Variants in ACOX3 observed in about 807,000 individuals in gnomAD.
ACOX3 encodes the protein peroxisomal acyl-coenzyme A oxidase 3.
Under a neutral mutation model 81.5 loss-of-function variants are expected in ACOX3, and 73 were observed. The ratio of observed to expected loss-of-function variants is 0.90; its 90% confidence interval spans 0.74 to 1.09. The LOEUF is 1.09. Among genes scored for constraint, ACOX3 ranks in the 50% least tolerant of loss-of-function variants. The probability of loss-of-function intolerance (pLI) is 0.00; values close to 1 mark genes in which losing one functional copy is unlikely to be tolerated. For missense variants in ACOX3, 947 were observed against 928.0 expected (o/e 1.02, Z -0.27); for synonymous variants, 387 against 375.1 (o/e 1.03, Z -0.37).
chr4:8,356,615 T>A, the ACOX3 span: 2 of 456,126 alleles, frequency 4.4e-6, no homozygotes, highest in South Asian at 3.1e-5. Flanking sequence ...TACGCTAACA[T>A]GATCCCGGCA....
rs1560192797 is a variant in ACOX3 at position 8,407,782 on chromosome 4, C to A, written c.688-1739G>T. Among the ~76,000 whole-genome samples the A allele has an allele frequency of 1.3e-5, 2 of 152,224 alleles. No homozygotes were observed. Among genetic ancestry groups the A allele is most frequent in the African/African-American group, 4.8e-5 (2 of 41,454 alleles). ...GGTCCAGCCAGCTAATGGCTGCGCA[C>A]TGTGGGAACTCGACGGAAGGACGTG... On this transcript the variant is annotated intron_variant, in intron 6 of 17. Transcript: ENST00000356406. The surrounding 1 kb of genome is among the most constrained non-coding windows in gnomAD (Gnocchi z 4.6).
At chr4:8,369,820 A>C (rs912191299) in intron 17 of ACOX3, among the ~76,000 whole-genome samples, 1 of 152,080 alleles carries the variant, frequency 6.6e-6, no homozygotes, top group African/African-American at 2.4e-5. Flanking sequence ...AGCAGAAATA[A>C]CTCAGTTGCG....
Position 8,369,087 on chromosome 4 carries a change from T to G in ACOX3, c.1983+1821A>C, listed in dbSNP as rs376742445. On this transcript the variant is annotated intron_variant, in intron 17 of 17. Coordinates refer to ENST00000356406, the MANE Select transcript of ACOX3 (RefSeq NM_003501.3). ...GCCCCTCCATCATGGGCAAGGTCTC[T>G]CCTTTCCTTGGTCGTTCCCTGCCTC... Among the ~76,000 whole-genome samples, 36 of 152,244 alleles carry G rather than the reference T, an allele frequency of 2.4e-4. No individual in the cohort carries two copies. In the South Asian group the frequency reaches 3.9e-3, roughly 17 times the overall value.
intron 5 of ACOX3, among the ~76,000 whole-genome samples, chr4:8,412,274 A>G (rs781183312): frequency 6.6e-6 from 1 of 152,260 alleles, no homozygotes; most frequent in Non-Finnish European, 1.5e-5. Flanking sequence ...AAGGCCCCAC[A>G]GCAGGGGCAC....
Position 8,416,227 on chromosome 4 carries a change from G to A in ACOX3, c.144+151C>T. ...ACTCCTCATCAATTCCCTGAGGCCT[G>A]TCCTGGGGTGCAGAGAGGAGAGAGG... On this transcript the variant is annotated intron_variant, in intron 2 of 17. Coordinates refer to ENST00000356406, the MANE Select transcript of ACOX3 (RefSeq NM_003501.3). This position sits in a 1 kb window ranked among gnomAD's most constrained non-coding sequence, Gnocchi z 4.2. 2.3e-6 allele frequency: 3 copies of A among 1,323,296 alleles called. No individual in the cohort carries two copies. Among genetic ancestry groups the A allele is most frequent in the Non-Finnish European group, 3.2e-6 (3 of 934,874 alleles). 82.0% of individuals were successfully genotyped at this position (1,323,296 alleles called of 1,614,324 possible). A position where few individuals can be genotyped will look rare whatever the true frequency, so the allele number is the denominator to read the frequency against.
intron 9 of ACOX3, 102 bp downstream of exon 9, chr4:8,396,835 G>C: frequency 2.9e-6 from 4 of 1,377,100 alleles, no homozygotes; most frequent in South Asian, 2.7e-5. Flanking sequence ...ATTGCCTTAA[G>C]AGCTTTGATC....
At chr4:8,390,245 G>A (rs1718829253) in intron 11 of ACOX3, among the ~76,000 whole-genome samples, 1 of 152,222 alleles carries the variant, frequency 6.6e-6, no homozygotes, top group Admixed American at 6.5e-5. Flanking sequence ...AGGAGGCTGA[G>A]GTGGGAGGAT....
At position 8,368,100 on chromosome 4, in the gene ACOX3, T is replaced by C. The variant is rs951618589; in HGVS notation, c.1984-1020A>G. Among the ~76,000 whole-genome samples, 1 of 152,036 alleles carries C rather than the reference T, an allele frequency of 6.6e-6. No homozygotes were observed. The highest frequency in any genetic ancestry group is 6.5e-5 in the Admixed American group (1 of 15,284). ...CATCGACTGCTGCTCTGAAATCTGC[T>C]CTCACACCCCAGGCCGCTACAGGCC... is the stretch of plus-strand genomic sequence containing the variant. On this transcript the variant is annotated intron_variant, in intron 17 of 17. Coordinates refer to ENST00000356406, the MANE Select transcript of ACOX3 (RefSeq NM_003501.3). This position sits in a 1 kb window ranked among gnomAD's most constrained non-coding sequence, Gnocchi z 5.9.
rs1560178027 is a variant in ACOX3 at position 8,389,478 on chromosome 4, C to T, written c.1423+134G>A. The stretch of plus-strand genomic sequence containing the variant: ...CCATGCCTTGGGGAGTTGGTCGGCA[C>T]TATCTAATAACATTTCTTTCCTTCT... On this transcript the variant is annotated intron_variant, in intron 12 of 17. Coordinates refer to ENST00000356406, the MANE Select transcript of ACOX3 (RefSeq NM_003501.3). The surrounding 1 kb of genome is among the most constrained non-coding windows in gnomAD (Gnocchi z 5.3). 2.0e-6 allele frequency: 3 copies of T among 1,467,378 alleles called. No individual in the cohort carries two copies. Among genetic ancestry groups the T allele is most frequent in the Non-Finnish European group, 2.8e-6 (3 of 1,079,492 alleles). 90.9% of individuals were successfully genotyped at this position (1,467,378 alleles called of 1,614,324 possible).
intron 1 of ACOX3, among the ~76,000 whole-genome samples, chr4:8,417,074 C>T (rs11736150): frequency 0.11 from 16,728 of 152,296 alleles, 1,020 homozygotes; most frequent in South Asian, 0.2. Context: ...GGCTTCTCCT[C>T]GACATATAGA....
At chr4:8,374,938 A>C in intron 15 of ACOX3, 40 bp downstream of exon 15, 1 of 1,464,406 alleles carries the variant, frequency 6.8e-7, no homozygotes, top group Non-Finnish European at 9.1e-7. Flanking sequence ...GGGGGCCCTG[A>C]CTCTGGGGAG....
In ACOX3 at chr4:8,405,810, G is replaced by A. The variant is rs574610868; in HGVS notation, c.776+145C>T. On this transcript the variant is annotated intron_variant, in intron 7 of 17. Transcript: ENST00000356406. The surrounding 1 kb of genome is among the most constrained non-coding windows in gnomAD (Gnocchi z 7.1). ...AGCAGGACGTGGCCAGTGCATGCAC[G>A]GGGGCTAGGCGTAGGTCCCCACCGC... 18 of 821,260 alleles carry A rather than the reference G, an allele frequency of 2.2e-5. No homozygotes were observed. Among genetic ancestry groups the A allele is most frequent in the South Asian group, 3.1e-5 (2 of 65,278 alleles). The allele number at this position is 821,260 out of a possible 1,614,324, so 50.9% of individuals were successfully genotyped here.
chr4:8,372,270 A>T (rs529627766), intron 16 of ACOX3, among the ~76,000 whole-genome samples: 3 of 152,110 alleles, frequency 2.0e-5, no homozygotes, highest in African/African-American at 7.2e-5. Context: ...AATTTTTTAA[A>T]ATTATTTTTT....
At position 8,407,150 on chromosome 4, in the gene ACOX3, T is replaced by C. The variant is rs1438292787; in HGVS notation, c.688-1107A>G. Among the ~76,000 whole-genome samples the C allele has an allele frequency of 1.3e-5, 2 of 152,242 alleles. No homozygotes were observed. The highest frequency in any genetic ancestry group is 2.9e-5 in the Non-Finnish European group (2 of 68,044). On this transcript the variant is annotated intron_variant, in intron 6 of 17. Transcript: ENST00000356406. This position sits in a 1 kb window ranked among gnomAD's most constrained non-coding sequence, Gnocchi z 4.6. Reference sequence around the variant, plus strand: ...ACAGAAGGCTCGTACTCTTGTCTTCTGGTCACTCCTCACTATGTCCCCTCA... The same window carrying C: ...ACAGAAGGCTCGTACTCTTGTCTTCCGGTCACTCCTCACTATGTCCCCTCA...
Position 8,423,654 on chromosome 4 carries a change from T to C in ACOX3, c.-14-7119A>G, listed in dbSNP as rs1005949818. 1.1e-4 allele frequency among the ~76,000 whole-genome samples: 16 copies of C among 152,198 alleles called. No individual in the cohort carries two copies. Among genetic ancestry groups the C allele is most frequent in the Non-Finnish European group, 1.9e-4 (13 of 68,030 alleles). ...AGGCTGTTGTTCCTCTATACCCAGC[T>C]GTACCTAATCTTATACTCACTCTGC... On this transcript the variant is annotated intron_variant, in intron 1 of 17. Transcript: ENST00000356406. The surrounding 1 kb of genome is among the most constrained non-coding windows in gnomAD (Gnocchi z 4.2).
intron 15 of ACOX3, chr4:8,374,412 T>C: frequency 6.6e-6 from 1 of 152,600 alleles, no homozygotes; most frequent in Non-Finnish European, 1.5e-5. Context: ...ATCTTATTCT[T>C]CACAAGCCCA....
chr4:8,365,131 G>C (rs1715338254), downstream of ACOX3, among the ~76,000 whole-genome samples: 1 of 152,342 alleles, frequency 6.6e-6, no homozygotes, highest in African/African-American at 2.4e-5. Flanking sequence ...ACTGCTCTTG[G>C]GCTGGGACCC....
intron 9 of ACOX3, among the ~76,000 whole-genome samples, chr4:8,396,091 A>G (rs1719659131): frequency 6.6e-6 from 1 of 152,214 alleles, no homozygotes; most frequent in Middle Eastern, 3.4e-3. Flanking sequence ...GTGCTTTTCC[A>G]CGCTGCTGCC....
chr4:8,401,935 T>C (rs555028565), intron 7 of ACOX3, among the ~76,000 whole-genome samples: 2 of 152,260 alleles, frequency 1.3e-5, no homozygotes, highest in South Asian at 2.1e-4. Context: ...CCCTCAACCA[T>C]CAACGTTCCT....
Sources: gnomAD v4.1 joint callset for allele counts (sites outside exome capture counted in the v4.1 genomes callset) on GRCh38, gnomAD v4.1.1 for gene constraint, Gnocchi (gnomAD v3.1) non-coding constraint, MANE v1.5 for transcripts, NCBI Gene and HGNC (gene_info 2026-07-23, HGNC 2026-07-21) for gene names.